ZNF536: variants seen among roughly 807,000 people sequenced by gnomAD.
ZNF536 encodes zinc finger protein 536.
A neutral mutation model predicts 84.5 loss-of-function variants in ZNF536; 13 were observed. That is an observed-to-expected ratio of 0.15 (90% CI 0.10 to 0.24). The LOEUF is 0.24. Among genes scored for constraint, ZNF536 ranks in the 10% least tolerant of loss-of-function variants. The probability of loss-of-function intolerance (pLI) is 1.00; values close to 1 mark genes in which losing one functional copy is unlikely to be tolerated. For missense variants in ZNF536, 1,536 were observed against 1,747.5 expected (o/e 0.88, Z 2.16); for synonymous variants, 811 against 742.5 (o/e 1.09, Z -1.50).
intron 2 of ZNF536, among the ~76,000 whole-genome samples, chr19:30,338,943 T>C (rs1047464628): frequency 3.9e-5 from 6 of 152,178 alleles, no homozygotes; most frequent in Admixed American, 3.3e-4. Flanking sequence ...GCTGGTGGCA[T>C]GTGTGAGAGT....
intron 1 of ZNF536, among the ~76,000 whole-genome samples, chr19:30,599,428 C>T (rs1387514211): frequency 2.7e-5 from 2 of 73,048 alleles, no homozygotes; most frequent in African/African-American, 1.1e-4. Context: ...CTCCCCCGTC[C>T]CTCCCTTCCC....
In ZNF536 at chr19:30,445,301, C is replaced by T. The variant is rs752321746; in HGVS notation, c.1739C>T (p.Ala580Val). The change falls in exon 2 of 5, where the codon GCT becomes GTT. Residue 580 changes from alanine to valine, a missense_variant. By Grantham distance (64) the Ala-to-Val change is moderately conservative. This residue lies in a region of ZNF536 where 366 missense variants were observed against 364.4 expected (regional missense o/e 1.00). Transcript: ENST00000355537. The surrounding 1 kb of genome is among the most constrained non-coding windows in gnomAD (Gnocchi z 4.5). ...GATGGCTCCAAGCAGAAAATGCCTG[C>T]TGATTTGGTTCACAGCACTAAAGTG... is the stretch of plus-strand genomic sequence containing the variant. ...GADGSKQKMP[A>V]DLVHSTKVGS... 1.2e-6 allele frequency: 2 copies of T among 1,614,154 alleles called. No individual in the cohort carries two copies. The highest frequency in any genetic ancestry group is 1.7e-6 in the Non-Finnish European group (2 of 1,180,036).
At chr19:30,334,113 A>G (rs1319038025) in intron 2 of ZNF536, among the ~76,000 whole-genome samples, 1 of 152,190 alleles carries the variant, frequency 6.6e-6, no homozygotes, top group Non-Finnish European at 1.5e-5. Flanking sequence ...GAAAGCTCCC[A>G]TCACTGGAGC....
chr19:30,506,670 C>T (rs972335911), intron 2 of ZNF536, among the ~76,000 whole-genome samples: 1 of 152,188 alleles, frequency 6.6e-6, no homozygotes, highest in African/African-American at 2.4e-5. Context: ...ATAAACCATC[C>T]TGCAGAGGAG....
At chr19:30,279,400 G>A (rs1196052945) in intron 1 of ZNF536, among the ~76,000 whole-genome samples, 1 of 152,036 alleles carries the variant, frequency 6.6e-6, no homozygotes, top group Admixed American at 6.5e-5. Flanking sequence ...AAAGCTCCCT[G>A]GGAGCTTTCC....
At chr19:30,324,880 T>C (rs376485780) in intron 2 of ZNF536, among the ~76,000 whole-genome samples, 6 of 152,360 alleles carry the variant, frequency 3.9e-5, no homozygotes, top group African/African-American at 1.4e-4. Context: ...TGAAGACTGC[T>C]GAGCTGGCTC....
Position 30,513,062 on chromosome 19 carries a change from A to G in ZNF536, c.2171-21785A>G, listed in dbSNP as rs565208417. The stretch of plus-strand genomic sequence containing the variant: ...TTTTCTTTTCTTTCATATTTTCTTT[A>G]TATGTACACACACTTAGGTCACCAG... On this transcript the variant is annotated intron_variant, in intron 2 of 4. Transcript: ENST00000355537. Among the ~76,000 whole-genome samples the G allele has an allele frequency of 9.9e-5, 15 of 151,942 alleles. No individual in the cohort carries two copies. In the East Asian group the frequency reaches 1.2e-3, roughly 12 times the overall value.
intron 3 of ZNF536, among the ~76,000 whole-genome samples, chr19:30,542,838 GT>G (rs2045385864): frequency 6.6e-6 from 1 of 152,094 alleles, no homozygotes; most frequent in East Asian, 1.9e-4. Flanking sequence ...TAGAGACAGG[GT>G]CTCACTCTAT....
chr19:30,561,595 G>A (rs546991690), downstream of ZNF536, among the ~76,000 whole-genome samples: 1 of 152,316 alleles, frequency 6.6e-6, no homozygotes, highest in African/African-American at 2.4e-5. Flanking sequence ...AACAAGCACA[G>A]GTGCACTCAT....
chr19:30,526,648 C>T (rs939934339), intron 2 of ZNF536, among the ~76,000 whole-genome samples: 56 of 122,522 alleles, frequency 4.6e-4, no homozygotes, highest in African/African-American at 1.4e-3. Flanking sequence ...GGCGTGAACC[C>T]GGGAGGCGGA....
chr19:30,385,025 CAA>C (rs796767621), intron 1 of ZNF536, among the ~76,000 whole-genome samples: 1 of 147,496 alleles, frequency 6.8e-6, no homozygotes, highest in Admixed American at 6.8e-5. Flanking sequence ...GTCTCTAAAA[CAA>C]AAAAAAAAGC....
chr19:30,336,185 T>C (rs10432273), intron 2 of ZNF536, among the ~76,000 whole-genome samples: 98,129 of 152,126 alleles, frequency 0.65, 32,612 homozygotes, highest in East Asian at 0.81. Flanking sequence ...ACCTGCTTGA[T>C]CACGGGGGAC....
chr19:30,618,840 A>T (rs535201582), intron 1 of ZNF536, among the ~76,000 whole-genome samples: 1 of 151,280 alleles, frequency 6.6e-6, no homozygotes, highest in Non-Finnish European at 1.5e-5. Context: ...ATTTTCTAAG[A>T]CTCTGTTTTT....
rs2045618028 is a variant in ZNF536, at chr19:30,547,953, C to G, written c.2334C>G (p.Pro778=). The G allele has an allele frequency of 6.5e-7, 1 of 1,548,874 alleles. No individual in the cohort carries two copies. Among genetic ancestry groups the G allele is most frequent in the East Asian group, 2.3e-5 (1 of 44,330 alleles). ...ATCAAAATCTTGCAGGTGAGAAACC[C>G]TACAAGTGTCCGCACTGTGACTATG... ...VHLRIHTGEK[P]YKCPHCDYAG... Residue 778 remains proline (P), a synonymous_variant, in exon 4 of 5, where the codon CCC becomes CCG. Transcript: ENST00000355537.
At chr19:30,279,106 A>G (rs1294051449) in intron 1 of ZNF536, among the ~76,000 whole-genome samples, 1 of 152,188 alleles carries the variant, frequency 6.6e-6, no homozygotes. Flanking sequence ...GCATTCTCGC[A>G]GGGCTCACTC....
intron 2 of ZNF536, among the ~76,000 whole-genome samples, chr19:30,342,507 G>C (rs572232807): frequency 6.6e-6 from 1 of 152,248 alleles, no homozygotes; most frequent in South Asian, 2.1e-4. Context: ...ATTACAGTAT[G>C]GAAGATTCCA....
intron 2 of ZNF536, among the ~76,000 whole-genome samples, chr19:30,489,921 C>G (rs2054442641): frequency 6.6e-6 from 1 of 152,212 alleles, no homozygotes; most frequent in Admixed American, 6.5e-5. Context: ...CAATATGGTA[C>G]TTGGTCATAG....
chr19:30,354,769 C>T (rs1346239642), intron 3 of ZNF536, among the ~76,000 whole-genome samples: 2 of 152,180 alleles, frequency 1.3e-5, no homozygotes, highest in Admixed American at 6.5e-5. Context: ...GTATTAGAAA[C>T]AGGCAGAGAA....
intron 1 of ZNF536, among the ~76,000 whole-genome samples, chr19:30,405,806 C>T (rs1369512826): frequency 4.0e-5 from 6 of 149,970 alleles, no homozygotes; most frequent in East Asian, 2.0e-4. Flanking sequence ...GAGATAGAGT[C>T]TCACTCTGTA....
Sources: allele counts gnomAD v4.1 joint callset (sites outside exome capture counted in the v4.1 genomes callset), GRCh38; gene constraint gnomAD v4.1.1; regional missense constraint gnomAD v4.1.1; non-coding constraint Gnocchi (gnomAD v3.1); transcripts MANE v1.5; gene names NCBI Gene and HGNC (gene_info 2026-07-23, HGNC 2026-07-21).